CHRNA1: variants seen among roughly 807,000 people sequenced by gnomAD.
The protein encoded by CHRNA1 is acetylcholine receptor subunit alpha.
CHRNA1 carries 35 observed loss-of-function variants against 47.1 expected under a neutral mutation model. The ratio of observed to expected loss-of-function variants is 0.74; its 90% CI spans 0.57 to 0.99. CHRNA1 has a LOEUF of 0.99. Among genes scored for constraint, CHRNA1 ranks in the 50% least tolerant of loss-of-function variants. CHRNA1 has a pLI of 0.00. For missense variants in CHRNA1, 506 were observed against 591.1 expected (o/e 0.86, Z 1.49); for synonymous variants, 229 against 223.6 (o/e 1.02, Z -0.22).
Position 174,748,693 on chromosome 2 carries a change from G to C in CHRNA1, c.1129C>G (p.Pro377Ala). Reference protein sequence around the residue: ...DISDISGKPGPPPMGFHSPLI... With the variant: ...DISDISGKPGAPPMGFHSPLI... ...GGAGAGTGGAAGCCCATGGGTGGAGGCCCTGGCTTTCCAGAAATGTCAGAG... is the reference window on the plus strand; with the variant it reads ...GGAGAGTGGAAGCCCATGGGTGGAGCCCCTGGCTTTCCAGAAATGTCAGAG... The change falls in exon 8 of 9, where the codon CCT (proline) becomes GCT (alanine). Residue 377 changes from proline to alanine, a missense_variant. By Grantham distance (27) the Pro-to-Ala change is conservative. Transcript: ENST00000348749. The C allele has an allele frequency of 6.2e-7, 1 of 1,614,210 alleles. No individual in the cohort carries two copies. The highest frequency in any genetic ancestry group is 1.1e-5 in the South Asian group (1 of 91,084).
At chr2:174,764,046 T>C (rs557467889) in intron 1 of CHRNA1, among the ~76,000 whole-genome samples, 233 of 152,320 alleles carry the variant, frequency 1.5e-3, no homozygotes, top group Non-Finnish European at 2.6e-3. Context: ...GTCCAGGTCC[T>C]ACAAATGGTG....
chr2:174,751,938 CG>C (rs1303814972), intron 6 of CHRNA1, among the ~76,000 whole-genome samples: 1 of 152,042 alleles, frequency 6.6e-6, no homozygotes, highest in Non-Finnish European at 1.5e-5. Flanking sequence ...CCTTGGCCTC[CG>C]AAAGTGCTGG....
At chr2:174,760,644 TATAAC>T (rs1210024201) in intron 1 of CHRNA1, among the ~76,000 whole-genome samples, 6 of 152,222 alleles carry the variant, frequency 3.9e-5, no homozygotes, top group Non-Finnish European at 8.8e-5. Flanking sequence ...GTGATGGTCT[TATAAC>T]ATGTGAATGT....
Position 174,753,571 on chromosome 2 carries a change from T to G in CHRNA1, c.710A>C (p.Asn237Thr). The G allele has an allele frequency of 6.2e-7, 1 of 1,613,996 alleles. No homozygotes were observed. Among genetic ancestry groups the G allele is most frequent in the East Asian group, 2.2e-5 (1 of 44,874 alleles). Residue 237 changes from asparagine (N) to threonine (T), a missense_variant, in exon 6 of 9, where the codon AAC (asparagine) becomes ACC (threonine). Physicochemically the swap from Asn to Thr is moderately conservative, Grantham distance 65. Transcript: ENST00000348749. ...GAAGAGCAGGCAGGGGATGATGACG[T>G]TGACGATGAAGTAGAGGGGCAGGCG... is the stretch of plus-strand genomic sequence containing the variant. ...MQRLPLYFIV[N>T]VIIPCLLFSF...
intron 6 of CHRNA1, chr2:174,753,095 T>G: frequency 2.6e-6 from 1 of 380,412 alleles, no homozygotes; most frequent in South Asian, 3.8e-5. Context: ...GAGCAGTGGG[T>G]AAAGGGGCAA....
In CHRNA1 at chr2:174,747,649, A is replaced by C. The variant is rs950768704; in HGVS notation, c.*475T>G. 5.9e-6 allele frequency: 1 copy of C among 170,714 alleles called. No individual in the cohort carries two copies. The highest frequency in any genetic ancestry group is 1.6e-4 in the East Asian group (1 of 6,448). The allele number at this position is 170,714 out of a possible 1,614,324, so 10.6% of individuals were successfully genotyped here. A position where few individuals can be genotyped will look rare whatever the true frequency, so the allele number is the denominator to read the frequency against. The stretch of plus-strand genomic sequence containing the variant: ...ATTTCTACTGCTTCCTCTCTCTCCA[A>C]ATCAAATGCCTTATCTCTTTAGGAC... On this transcript the variant is annotated 3_prime_UTR_variant, in exon 9 of 9. Transcript: ENST00000348749.
In CHRNA1 at chr2:174,748,002, A is replaced by T; in HGVS notation, c.*122T>A. The T allele has an allele frequency of 4.0e-6, 5 of 1,236,284 alleles. No individual in the cohort carries two copies. The highest frequency in any genetic ancestry group is 5.8e-6 in the Non-Finnish European group (5 of 865,072). The allele number at this position is 1,236,284 out of a possible 1,614,324, so 76.6% of individuals were successfully genotyped here. A position where few individuals can be genotyped will look rare whatever the true frequency, so the allele number is the denominator to read the frequency against. On this transcript the variant is annotated 3_prime_UTR_variant, in exon 9 of 9. Coordinates refer to ENST00000348749, the MANE Select transcript of CHRNA1 (RefSeq NM_000079.4). ...CATAAAGGTAAATCTTATCATCAAT[A>T]ATAAGTATGGAATATAACACGTTTG... is the stretch of plus-strand genomic sequence containing the variant.
intron 8 of CHRNA1, 59 bp from the exon 9 acceptor site, chr2:174,748,314 G>C: frequency 1.2e-6 from 2 of 1,610,112 alleles, no homozygotes; most frequent in Non-Finnish European, 1.7e-6. Flanking sequence ...GACTCACAAC[G>C]TTTGTGCTTT....
Position 174,748,254 on chromosome 2 carries a change from G to T in CHRNA1, c.1244C>A (p.Ala415Glu), listed in dbSNP as rs200394375. Reference protein sequence around the residue: ...TMKSDQESNNAAAEWKYVAMV... With the variant: ...TMKSDQESNNEAAEWKYVAMV... ...TGCAACGTACTTCCACTCTGCCGCC[G>T]CCTGGGAGAGAGGAAAATGTTAGAC... The change falls in exon 9 of 9, where the codon GCG becomes GAG. Residue 415 changes from alanine to glutamate, a missense_variant and splice_region_variant. Coordinates refer to ENST00000348749, the MANE Select transcript of CHRNA1 (RefSeq NM_000079.4). 3.1e-6 allele frequency: 5 copies of T among 1,614,038 alleles called. No individual in the cohort carries two copies. Among genetic ancestry groups the T allele is most frequent in the South Asian group, 1.1e-5 (1 of 91,070 alleles).
rs1332824705 is a variant in CHRNA1, at chr2:174,748,235, G to A, written c.1263C>T (p.Tyr421=). 15 of 1,613,964 alleles carry A rather than the reference G, an allele frequency of 9.3e-6. No homozygotes were observed. In the East Asian group the frequency reaches 1.3e-4, roughly 14 times the overall value. ...GTATGTGGTCCATCACCATTGCAACGTACTTCCACTCTGCCGCCGCCTGGG... is the reference window on the plus strand; with the variant it reads ...GTATGTGGTCCATCACCATTGCAACATACTTCCACTCTGCCGCCGCCTGGG... ...ESNNAAAEWK[Y]VAMVMDHILL... Residue 421 remains tyrosine, a synonymous_variant, in exon 9 of 9, where the codon TAC becomes TAT. Coordinates refer to ENST00000348749, the MANE Select transcript of CHRNA1 (RefSeq NM_000079.4).
intron 4 of CHRNA1, among the ~76,000 whole-genome samples, chr2:174,757,131 CAAGGAATTCAGCGAT>C (rs1331794531): frequency 1.3e-5 from 2 of 152,022 alleles, no homozygotes; most frequent in African/African-American, 4.8e-5. Context: ...CACTAGATTG[CAAGGAATTCAGCGAT>C]AGGACGTTTG....
chr2:174,748,831 A>G lies in CHRNA1; in HGVS notation c.1003-12T>C, dbSNP rs771405347. 3 of 1,613,528 alleles carry G rather than the reference A, an allele frequency of 1.9e-6. No individual in the cohort carries two copies. In the Admixed American group the frequency reaches 5.0e-5, roughly 27 times the overall value. ...GTGTCGATAAAAACCTAACATAAAAAAGAAATCCATGCATGAGAATTATTG... is the reference window on the plus strand; with the variant it reads ...GTGTCGATAAAAACCTAACATAAAAGAGAAATCCATGCATGAGAATTATTG... On this transcript the variant is annotated splice_polypyrimidine_tract_variant and intron_variant, in intron 7 of 8. Transcript: ENST00000348749.
At chr2:174,761,874 T>G (rs75298173) in intron 1 of CHRNA1, among the ~76,000 whole-genome samples, 2,888 of 152,338 alleles carry the variant, frequency 0.019, 102 homozygotes, top group African/African-American at 0.067. Context: ...ACTGAGCACC[T>G]TGGCCATTGA....
Position 174,748,662 on chromosome 2 carries a change from A to G in CHRNA1, c.1160T>C (p.Ile387Thr). The change falls in exon 8 of 9, where the codon ATC becomes ACC. Residue 387 changes from isoleucine to threonine, a missense_variant. By Grantham distance (89) the Ile-to-Thr change is moderately conservative. Transcript: ENST00000348749. ...GGCACTTTTCACCTCGGGGTGTTTG[A>G]TCAGGGGAGAGTGGAAGCCCATGGG... ...PPPMGFHSPL[I>T]KHPEVKSAIE... The G allele has an allele frequency of 6.2e-7, 1 of 1,614,200 alleles. No homozygotes were observed. Among genetic ancestry groups the G allele is most frequent in the Non-Finnish European group, 8.5e-7 (1 of 1,180,032 alleles).
At chr2:174,755,653 T>C (rs1016865293) in intron 4 of CHRNA1, among the ~76,000 whole-genome samples, 1 of 151,996 alleles carries the variant, frequency 6.6e-6, no homozygotes, top group Non-Finnish European at 1.5e-5. Flanking sequence ...CTCCTGACCT[T>C]GTGATCTGCC....
chr2:174,749,648 C>T (rs1189667729), intron 7 of CHRNA1, among the ~76,000 whole-genome samples: 3 of 152,150 alleles, frequency 2.0e-5, no homozygotes, highest in African/African-American at 4.8e-5. Flanking sequence ...GCGAGAATTT[C>T]ACGGCATTTC....
chr2:174,761,285 TCA>T (rs1460538848), intron 1 of CHRNA1, among the ~76,000 whole-genome samples: 5 of 152,228 alleles, frequency 3.3e-5, no homozygotes, highest in African/African-American at 1.2e-4. Context: ...TTGCCTTCAT[TCA>T]CGTAACCAGA....
chr2:174,754,805 A>C (rs941850834), intron 4 of CHRNA1, among the ~76,000 whole-genome samples: 13 of 152,112 alleles, frequency 8.5e-5, no homozygotes, highest in Non-Finnish European at 1.3e-4. Context: ...TGGGGAAAAA[A>C]AACACAGGAA....
chr2:174,759,226 A>G (rs1684043136), intron 3 of CHRNA1, 105 bp downstream of exon 3: 1 of 1,243,394 alleles, frequency 8.0e-7, no homozygotes, highest in African/African-American at 1.5e-5. Context: ...TCTACTTTCA[A>G]CATTTTGGTA....
Sources: gnomAD v4.1 joint callset for allele counts (sites outside exome capture counted in the v4.1 genomes callset) on GRCh38, gnomAD v4.1.1 for gene constraint, MANE v1.5 for transcripts, NCBI Gene and HGNC (gene_info 2026-07-23, HGNC 2026-07-21) for gene names.